ICA1: variants seen among roughly 807,000 people sequenced by gnomAD.
The protein encoded by ICA1 is islet cell autoantigen 1.
In ICA1, 40 loss-of-function variants were observed where a neutral mutation model predicts 71.0. That is an observed-to-expected ratio of 0.56 (90% CI 0.44 to 0.73). The LOEUF (loss-of-function observed/expected upper bound fraction) is 0.73, where lower values mean the gene tolerates loss of function less well. Among genes scored for constraint, ICA1 ranks in the 30% least tolerant of loss-of-function variants. ICA1 has a pLI of 0.00. For missense variants in ICA1, 578 were observed against 576.5 expected (o/e 1.00, Z -0.03); for synonymous variants, 207 against 209.5 (o/e 0.99, Z 0.10).
At position 8,157,179 on chromosome 7, in the gene ICA1, G is replaced by A. The variant is rs1264633016; in HGVS notation, c.741C>T (p.His247=). 2.5e-6 allele frequency: 4 copies of A among 1,607,686 alleles called. No individual in the cohort carries two copies. The highest frequency in any genetic ancestry group is 3.4e-6 in the Non-Finnish European group (4 of 1,178,332). Residue 247 remains histidine (H), a synonymous_variant, in exon 8 of 14, where the codon CAC becomes CAT. Transcript: ENST00000402384. The stretch of plus-strand genomic sequence containing the variant: ...AACTCTCATGGATGGCTGCCATAGT[G>A]TGAGAAGTTTTCTCCCAAAAATGAA... The part of the protein sequence containing the change: ...TLLHFWEKTS[H]TMAAIHESFK...
chr7:8,225,105 G>GC (rs1798218972), intron 4 of ICA1, among the ~76,000 whole-genome samples: 1 of 152,138 alleles, frequency 6.6e-6, no homozygotes, highest in South Asian at 2.1e-4. Context: ...ATGAGACAAT[G>GC]CAAATGTCCA....
chr7:8,243,368 G>C (rs1490417366), intron 1 of ICA1, among the ~76,000 whole-genome samples: 1 of 152,080 alleles, frequency 6.6e-6, no homozygotes, highest in Non-Finnish European at 1.5e-5. Context: ...ATTCAACAAT[G>C]CTTCATGCTA....
intron 6 of ICA1, among the ~76,000 whole-genome samples, chr7:8,169,002 T>C (rs1187594737): frequency 6.6e-6 from 1 of 152,118 alleles, no homozygotes; most frequent in Non-Finnish European, 1.5e-5. Flanking sequence ...GTTCCCGTTG[T>C]AGTCAATTCC....
At chr7:8,225,661 T>A (rs533704525) in intron 4 of ICA1, among the ~76,000 whole-genome samples, 1 of 152,350 alleles carries the variant, frequency 6.6e-6, no homozygotes, top group African/African-American at 2.4e-5. Context: ...AACCCATGCA[T>A]ACACCCTCAT....
At position 8,185,072 on chromosome 7, in the gene ICA1, T is replaced by C. The variant is rs1783480053; in HGVS notation, c.580-26420A>G. ...CTGGGCAACAGAGTGAGACTATGTC[T>C]CAAAAAAGAAAAAAAAAAAGGAAAA... On this transcript the variant is annotated intron_variant, in intron 6 of 13. Transcript: ENST00000402384. 2.7e-5 allele frequency among the ~76,000 whole-genome samples: 4 copies of C among 145,962 alleles called. No homozygotes were observed. In the Admixed American group the frequency reaches 2.8e-4, roughly 10 times the overall value.
chr7:8,152,509 C>G (rs1488032209), intron 8 of ICA1, among the ~76,000 whole-genome samples: 1 of 151,524 alleles, frequency 6.6e-6, no homozygotes, highest in Non-Finnish European at 1.5e-5. Context: ...TTACCACCAC[C>G]ACTACCACTC....
intron 6 of ICA1, among the ~76,000 whole-genome samples, chr7:8,188,998 C>A (rs1784713936): frequency 6.6e-6 from 1 of 152,174 alleles, no homozygotes; most frequent in African/African-American, 2.4e-5. Context: ...GGAGAGGAGT[C>A]AATTAAAATA....
At chr7:8,246,634 T>C (rs918558690) in intron 1 of ICA1, among the ~76,000 whole-genome samples, 1 of 152,222 alleles carries the variant, frequency 6.6e-6, no homozygotes, top group African/African-American at 2.4e-5. Context: ...GCCACATCCA[T>C]TTGACTGAGA....
At chr7:8,179,249 T>C (rs981390629) in intron 6 of ICA1, among the ~76,000 whole-genome samples, 2 of 152,202 alleles carry the variant, frequency 1.3e-5, no homozygotes, top group Admixed American at 6.6e-5. Context: ...ATTTAAGTCA[T>C]AGACTTGTGG....
At chr7:8,228,217 A>C (rs987789811) in intron 4 of ICA1, among the ~76,000 whole-genome samples, 4 of 152,230 alleles carry the variant, frequency 2.6e-5, no homozygotes, top group Non-Finnish European at 5.9e-5. Context: ...AATGTCATCA[A>C]CAAATCAACT....
intron 1 of ICA1, among the ~76,000 whole-genome samples, chr7:8,244,960 G>A (rs1162240784): frequency 6.6e-6 from 1 of 152,152 alleles, no homozygotes; most frequent in Non-Finnish European, 1.5e-5. Flanking sequence ...CACTGTTGGT[G>A]GGGAGTGTAA....
intron 6 of ICA1, among the ~76,000 whole-genome samples, chr7:8,199,279 T>C (rs930745751): frequency 9.2e-5 from 14 of 152,250 alleles, no homozygotes; most frequent in African/African-American, 3.4e-4. Flanking sequence ...TGCACTCCTG[T>C]ATTTGTTGCA....
chr7:8,176,684 G>C (rs536378644), intron 6 of ICA1, among the ~76,000 whole-genome samples: 4 of 152,218 alleles, frequency 2.6e-5, no homozygotes, highest in African/African-American at 9.6e-5. Flanking sequence ...CTCTTCAACA[G>C]GGCACAACAT....
intron 8 of ICA1, among the ~76,000 whole-genome samples, chr7:8,149,864 A>T (rs1490059915): frequency 6.6e-6 from 1 of 152,224 alleles, no homozygotes; most frequent in East Asian, 1.9e-4. Flanking sequence ...TGTTTATACA[A>T]TTAGAAGTAC....
At chr7:8,158,020 T>A (rs1341521035) in intron 7 of ICA1, among the ~76,000 whole-genome samples, 1 of 152,168 alleles carries the variant, frequency 6.6e-6, no homozygotes, top group Non-Finnish European at 1.5e-5. Context: ...TCCTACAACA[T>A]CCAGCATTCT....
chr7:8,195,727 C>T (rs1039875367), intron 6 of ICA1, among the ~76,000 whole-genome samples: 1 of 152,084 alleles, frequency 6.6e-6, no homozygotes, highest in African/African-American at 2.4e-5. Context: ...TGCTTGCAAT[C>T]CCAGCACTTT....
chr7:8,175,390 A>ATT (rs1190411910), intron 6 of ICA1, among the ~76,000 whole-genome samples: 7 of 152,208 alleles, frequency 4.6e-5, no homozygotes, highest in African/African-American at 1.2e-4. Flanking sequence ...AACTCCAACA[A>ATT]TTCAGTGATA....
Position 8,231,463 on chromosome 7 carries a change from A to C in ICA1, c.183+1127T>G, listed in dbSNP as rs146151044. 5.3e-5 allele frequency among the ~76,000 whole-genome samples: 8 copies of C among 152,302 alleles called. No individual in the cohort carries two copies. The East Asian group carries it at 1.5e-3, about 29-fold the overall frequency. On this transcript the variant is annotated intron_variant, in intron 3 of 13. Coordinates refer to ENST00000402384, the MANE Select transcript of ICA1 (RefSeq NM_001136020.3). Reference sequence around the variant, plus strand: ...TCATGTTTATAAATATGTTAGTATAATATTTATAAACACTAATAAACCTTA... The same window carrying C: ...TCATGTTTATAAATATGTTAGTATACTATTTATAAACACTAATAAACCTTA...
Position 8,205,767 on chromosome 7 carries a change from CAG to C in ICA1, c.579+12536_579+12537del, listed in dbSNP as rs61086855. On this transcript the variant is annotated intron_variant, in intron 6 of 13. Transcript: ENST00000402384. Reference sequence around the variant, plus strand: ...TGATGAAATCGCTAGATTGAGAGAACAGAGTTGAGAGAGAGACTGTAGGGAAA... The same window carrying C: ...TGATGAAATCGCTAGATTGAGAGAACAGTTGAGAGAGAGACTGTAGGGAAA... Among the ~76,000 whole-genome samples, 142 of 152,268 alleles carry C rather than the reference CAG, an allele frequency of 9.3e-4. 5 individuals are homozygous for C. In the East Asian group the frequency reaches 0.023, roughly 25 times the overall value.
Sources: gnomAD v4.1 joint callset for allele counts (sites outside exome capture counted in the v4.1 genomes callset) on GRCh38, gnomAD v4.1.1 for gene constraint, MANE v1.5 for transcripts, NCBI Gene and HGNC (gene_info 2026-07-23, HGNC 2026-07-21) for gene names.